NAV2: variants seen among roughly 807,000 people sequenced by gnomAD.
NAV2 encodes helicase, APC down-regulated 1.
NAV2 carries 54 observed loss-of-function variants against 223.2 expected under a neutral mutation model. That is an observed-to-expected ratio of 0.24 (90% CI 0.19 to 0.30). NAV2 has a LOEUF of 0.30. Among genes scored for constraint, NAV2 ranks in the 10% least tolerant of loss-of-function variants. NAV2 has a pLI of 1.00. For synonymous variants in NAV2, 1,279 were observed against 1,239.3 expected, an observed-to-expected ratio of 1.03 and a Z score of -0.67; for missense variants, 2,806 against 3,147.5, an observed-to-expected ratio of 0.89 and a Z score of 2.60.
intron 1 of NAV2, among the ~76,000 whole-genome samples, chr11:19,374,291 G>C (rs1848567260): frequency 7.0e-6 from 1 of 143,800 alleles, no homozygotes; most frequent in East Asian, 2.1e-4. Flanking sequence ...CACATCCAAA[G>C]AGAATTTTTC....
chr11:20,074,240 G>A (rs1416729713), intron 22 of NAV2, among the ~76,000 whole-genome samples: 1 of 152,148 alleles, frequency 6.6e-6, no homozygotes, highest in African/African-American at 2.4e-5. Context: ...TAGTTGTGTG[G>A]TTTTGAGTGA....
intron 1 of NAV2, among the ~76,000 whole-genome samples, chr11:19,473,136 T>A (rs1426199756): frequency 6.6e-6 from 1 of 152,204 alleles, no homozygotes; most frequent in Non-Finnish European, 1.5e-5. Context: ...CCATGTTTTC[T>A]GGTGGCCAGA....
At chr11:19,387,907 T>C (rs1441525324) in intron 1 of NAV2, among the ~76,000 whole-genome samples, 1 of 152,212 alleles carries the variant, frequency 6.6e-6, no homozygotes, top group Non-Finnish European at 1.5e-5. Flanking sequence ...TTCACCCACT[T>C]GTTCTCTTAT....
chr11:19,367,375 G>A (rs1393534866), intron 1 of NAV2, among the ~76,000 whole-genome samples: 2 of 152,140 alleles, frequency 1.3e-5, no homozygotes, highest in Non-Finnish European at 2.9e-5. Flanking sequence ...GAGGAAAGCT[G>A]TTTCCCTGTC....
intron 3 of NAV2, among the ~76,000 whole-genome samples, chr11:19,849,244 T>C (rs2060977189): frequency 6.6e-6 from 1 of 152,074 alleles, no homozygotes; most frequent in Non-Finnish European, 1.5e-5. Context: ...AGAGATATGG[T>C]GTTTACCTCT....
intron 1 of NAV2, among the ~76,000 whole-genome samples, chr11:19,468,936 G>T (rs530645125): frequency 6.6e-6 from 1 of 152,162 alleles, no homozygotes; most frequent in African/African-American, 2.4e-5. Context: ...TGAGGTTTGA[G>T]TCCCTGTGGA....
At chr11:19,778,347 A>G (rs1289808244) in intron 1 of NAV2, 1 of 455,790 alleles carries the variant, frequency 2.2e-6, no homozygotes, top group Non-Finnish European at 4.4e-6. Flanking sequence ...GGTAAAATGG[A>G]GCAAGTTCCC....
intron 2 of NAV2, among the ~76,000 whole-genome samples, chr11:19,834,312 G>T (rs189334650): frequency 7.4e-4 from 112 of 152,320 alleles, no homozygotes; most frequent in Admixed American, 3.9e-4. Context: ...AAGCTTAGTA[G>T]TCCAATGTCA....
At chr11:19,369,750 C>A (rs1444828200) in intron 1 of NAV2, among the ~76,000 whole-genome samples, 1 of 152,170 alleles carries the variant, frequency 6.6e-6, no homozygotes, top group East Asian at 1.9e-4. Flanking sequence ...TCTTGCAAAC[C>A]CATGTCCTCC....
At chr11:19,399,299 C>T (rs2133292139) in intron 1 of NAV2, among the ~76,000 whole-genome samples, 1 of 152,326 alleles carries the variant, frequency 6.6e-6, no homozygotes, top group South Asian at 2.1e-4. Context: ...CAGATTCTAA[C>T]CTGGAGAGTC....
chr11:19,380,010 T>C (rs1258179851), intron 1 of NAV2, among the ~76,000 whole-genome samples: 5 of 151,996 alleles, frequency 3.3e-5, no homozygotes, highest in Non-Finnish European at 7.4e-5. Context: ...TAATTTATTA[T>C]AGTTGCAAAA....
intron 1 of NAV2, among the ~76,000 whole-genome samples, chr11:19,431,698 T>C (rs1851042551): frequency 6.6e-6 from 1 of 152,170 alleles, no homozygotes. Context: ...TGTCGGAAGA[T>C]AGAATTTAGA....
intron 4 of NAV2, among the ~76,000 whole-genome samples, chr11:19,875,092 G>A (rs985081980): frequency 2.0e-5 from 3 of 152,184 alleles, no homozygotes; most frequent in Admixed American, 6.5e-5. Context: ...AGGAGGCAGA[G>A]GTTGCAGTGA....
At chr11:19,665,509 C>T (rs2048386831) in intron 1 of NAV2, among the ~76,000 whole-genome samples, 1 of 152,268 alleles carries the variant, frequency 6.6e-6, no homozygotes, top group South Asian at 2.1e-4. Context: ...CTTATTTTTT[C>T]TAAGGAACTG....
chr11:20,106,143 A>ATG (rs377360217), intron 35 of NAV2, among the ~76,000 whole-genome samples: 38,252 of 68,156 alleles, frequency 0.56, 15,642 homozygotes, highest in Non-Finnish European at 0.8. Context: ...CCTTGTTCAT[A>ATG]TGTGTGTGTG....
chr11:19,984,099 T>G (rs952252775), intron 10 of NAV2, 26 bp from the exon 11 acceptor site: 2 of 1,613,794 alleles, frequency 1.2e-6, no homozygotes, highest in African/African-American at 1.3e-5. Context: ...GACATTCATG[T>G]GCATCATCTT....
intron 1 of NAV2, among the ~76,000 whole-genome samples, chr11:19,650,728 A>G (rs777768210): frequency 6.6e-6 from 1 of 152,218 alleles, no homozygotes; most frequent in Non-Finnish European, 1.5e-5. Context: ...ACACAGTGGA[A>G]TACTACCCGG....
chr11:19,384,365 T>C (rs1848954679), intron 1 of NAV2, among the ~76,000 whole-genome samples: 1 of 152,248 alleles, frequency 6.6e-6, no homozygotes, highest in African/African-American at 2.4e-5. Flanking sequence ...TTTTTGGCCT[T>C]GCCTGCATTA....
At chr11:19,385,753 C>T (rs970321419) in intron 1 of NAV2, among the ~76,000 whole-genome samples, 3 of 112,768 alleles carry the variant, frequency 2.7e-5, no homozygotes, top group East Asian at 2.9e-4. Flanking sequence ...AATATAGCTC[C>T]TTTTTTTTTT....
Sources: allele counts gnomAD v4.1 joint callset (sites outside exome capture counted in the v4.1 genomes callset), GRCh38; gene constraint gnomAD v4.1.1; transcripts MANE v1.5; gene names NCBI Gene and HGNC (gene_info 2026-07-23, HGNC 2026-07-21).